DUSP19: variants seen among roughly 807,000 people sequenced by gnomAD.
DUSP19 encodes the protein dual specificity protein phosphatase 19.
A neutral mutation model predicts 16.6 loss-of-function variants in DUSP19; 14 were observed. That is an observed-to-expected ratio of 0.84 (90% confidence interval 0.56 to 1.32). The LOEUF is 1.32. Among genes scored for constraint, DUSP19 ranks in the 40% most tolerant of loss-of-function variants. The pLI is 0.00. For missense variants in DUSP19, 258 were observed against 255.9 expected, an observed-to-expected ratio of 1.01 and a Z score of -0.06; for synonymous variants, 81 against 90.5, an observed-to-expected ratio of 0.90 and a Z score of 0.59.
intron 3 of DUSP19, among the ~76,000 whole-genome samples, chr2:183,090,835 G>T (rs374165372): frequency 5.1e-4 from 77 of 152,288 alleles, no homozygotes; most frequent in African/African-American, 1.8e-3. Flanking sequence ...CCTCCCTATT[G>T]CACATGGACC....
chr2:183,095,685 C>A lies in DUSP19; in HGVS notation c.*27C>A. The stretch of plus-strand genomic sequence containing the variant: ...TTGCATTGTAGCAGACAATGGACAA[C>A]TGTAGTTTCTGAATTGACTTCTATA... On this transcript the variant is annotated 3_prime_UTR_variant, in exon 4 of 4. Coordinates refer to ENST00000354221, the MANE Select transcript of DUSP19 (RefSeq NM_080876.4). 1 of 1,553,470 alleles carries A rather than the reference C, an allele frequency of 6.4e-7. No homozygotes were observed. Among genetic ancestry groups the A allele is most frequent in the Non-Finnish European group, 8.8e-7 (1 of 1,134,018 alleles).
intron 1 of DUSP19, among the ~76,000 whole-genome samples, chr2:183,082,264 G>GA (rs921257470): frequency 6.6e-5 from 10 of 150,558 alleles, no homozygotes; most frequent in Non-Finnish European, 8.9e-5. Flanking sequence ...GCATAAAGAA[G>GA]AAAAAAAAAT....
chr2:183,082,229 T>A (rs1699600784), intron 1 of DUSP19, among the ~76,000 whole-genome samples: 1 of 152,080 alleles, frequency 6.6e-6, no homozygotes, highest in African/African-American at 2.4e-5. Context: ...AATAAAGAGA[T>A]GTTTATTGTA....
chr2:183,086,314 C>T (rs995316073), intron 2 of DUSP19, among the ~76,000 whole-genome samples: 7 of 152,108 alleles, frequency 4.6e-5, no homozygotes, highest in African/African-American at 1.4e-4. Flanking sequence ...CACTGATACA[C>T]TTCTCCTATT....
intron 1 of DUSP19, among the ~76,000 whole-genome samples, chr2:183,080,220 C>T (rs1559126424): frequency 6.6e-6 from 1 of 152,142 alleles, no homozygotes; most frequent in Admixed American, 6.5e-5. Context: ...TGGTGCAAGC[C>T]ATTTATCCTT....
Position 183,078,944 on chromosome 2 carries a change from T to G in DUSP19, c.11T>G (p.Leu4Arg). The G allele has an allele frequency of 6.2e-7, 1 of 1,614,040 alleles. No individual in the cohort carries two copies. The highest frequency in any genetic ancestry group is 8.5e-7 in the Non-Finnish European group (1 of 1,179,990). MYS[L>R]NQEIKAFSRN... is the part of the protein sequence containing the mutation. ...GCCACTGCTCATGTAATGTACTCCC[T>G]TAACCAGGAAATTAAAGCATTCTCC... Residue 4 changes from leucine (L) to arginine (R), a missense_variant, in exon 1 of 4, where the codon CTT becomes CGT. Coordinates refer to ENST00000354221, the MANE Select transcript of DUSP19 (RefSeq NM_080876.4).
At chr2:183,085,847 GTTTT>G (rs71008261) in intron 2 of DUSP19, among the ~76,000 whole-genome samples, 7,947 of 50,972 alleles carry the variant, frequency 0.16, 940 homozygotes, top group African/African-American at 0.29. Context: ...AGGTTGTTAG[GTTTT>G]TTTTTTTTTT....
chr2:183,094,860 T>A (rs1228839820), intron 3 of DUSP19, among the ~76,000 whole-genome samples: 1 of 152,248 alleles, frequency 6.6e-6, no homozygotes, highest in Non-Finnish European at 1.5e-5. Context: ...ATGAGAACAC[T>A]AAGTATACTC....
At chr2:183,083,874 C>CCTGT (rs1699625766) in intron 2 of DUSP19, among the ~76,000 whole-genome samples, 1 of 152,144 alleles carries the variant, frequency 6.6e-6, no homozygotes, top group South Asian at 2.1e-4. Flanking sequence ...TTGTCCAAGA[C>CCTGT]CTGTCCATAC....
Position 183,087,160 on chromosome 2 carries a change from T to C in DUSP19, c.394T>C (p.Cys132Arg), listed in dbSNP as rs1164649657. ...CAACATCCTGTCTTATTTTCCAGAA[T>C]GTTTTGAATTTATTGAAGAAGCAAA... is the stretch of plus-strand genomic sequence containing the variant. Reference protein sequence around the residue: ...ETNILSYFPECFEFIEEAKRK... With the variant: ...ETNILSYFPERFEFIEEAKRK... The change falls in exon 3 of 4, where the codon TGT becomes CGT. Residue 132 changes from cysteine to arginine, a missense_variant. Physicochemically the swap from Cys to Arg is radical, Grantham distance 180. Transcript: ENST00000354221. 8 of 1,613,020 alleles carry C rather than the reference T, an allele frequency of 5.0e-6. No individual in the cohort carries two copies. Among genetic ancestry groups the C allele is most frequent in the African/African-American group, 1.3e-5 (1 of 74,912 alleles).
chr2:183,087,312 T>C (rs1699675287), intron 3 of DUSP19, 120 bp downstream of exon 3: 3 of 1,030,576 alleles, frequency 2.9e-6, no homozygotes, highest in Non-Finnish European at 4.1e-6. Context: ...ATTTCCCTTC[T>C]AACAATATTT....
At chr2:183,085,822 G>A (rs1315980586) in intron 2 of DUSP19, among the ~76,000 whole-genome samples, 2 of 132,324 alleles carry the variant, frequency 1.5e-5, no homozygotes, top group African/African-American at 5.3e-5. Flanking sequence ...CAGAGGGGAA[G>A]TACAGATGTG....
At position 183,097,755 on chromosome 2, in the gene DUSP19, G is replaced by A. The variant is rs1006816276; in HGVS notation, c.*2097G>A. 2.0e-5 allele frequency: 3 copies of A among 152,112 alleles called. No individual in the cohort carries two copies. Among genetic ancestry groups the A allele is most frequent in the African/African-American group, 4.8e-5 (2 of 41,418 alleles). 9.4% of individuals were successfully genotyped at this position (152,112 alleles called of 1,614,324 possible). A position where few individuals can be genotyped will look rare whatever the true frequency, so the allele number is the denominator to read the frequency against. On this transcript the variant is annotated 3_prime_UTR_variant, in exon 4 of 4. Transcript: ENST00000354221. The stretch of plus-strand genomic sequence containing the variant: ...ATAAGCCTTCTCCTTTCATAAGAAA[G>A]GATGTATTTAAATACATTTTATTTT...
intron 1 of DUSP19, among the ~76,000 whole-genome samples, chr2:183,081,974 G>C (rs1456466176): frequency 6.6e-6 from 1 of 152,042 alleles, no homozygotes; most frequent in Admixed American, 6.6e-5. Context: ...ACTTTATTTT[G>C]ACTAGTTATT....
Position 183,095,527 on chromosome 2 carries a change from A to G in DUSP19, c.523A>G (p.Ser175Gly). The G allele has an allele frequency of 6.2e-7, 1 of 1,614,018 alleles. No homozygotes were observed. The highest frequency in any genetic ancestry group is 2.2e-5 in the East Asian group (1 of 44,868). ...LMNSEQTSFT[S>G]AFSLVKNARP... ...GAATTCTGAACAAACCTCATTTACC[A>G]GTGCTTTTTCTTTGGTGAAAAATGC... Residue 175 changes from serine to glycine, a missense_variant, in exon 4 of 4, where the codon AGT becomes GGT. Physicochemically the swap from Ser to Gly is moderately conservative, Grantham distance 56. Transcript: ENST00000354221.
intron 3 of DUSP19, among the ~76,000 whole-genome samples, chr2:183,093,936 T>C (rs928855799): frequency 6.6e-6 from 1 of 152,208 alleles, no homozygotes; most frequent in African/African-American, 2.4e-5. Flanking sequence ...GTTACTTTAA[T>C]ATAATTTTTA....
rs544184433 is a variant in DUSP19 at position 183,081,995 on chromosome 2, A to G, written c.227-1513A>G. ...TTTTGACTAGTTATTCTCCATATGAACTTGCTTATTAACTAGAGCCAGTTT... is the reference window on the plus strand; with the variant it reads ...TTTTGACTAGTTATTCTCCATATGAGCTTGCTTATTAACTAGAGCCAGTTT... On this transcript the variant is annotated intron_variant, in intron 1 of 3. Transcript: ENST00000354221. Among the ~76,000 whole-genome samples the G allele has an allele frequency of 4.0e-4, 61 of 152,350 alleles. 1 individual carries two copies. The highest frequency in any genetic ancestry group is 1.4e-3 in the African/African-American group (60 of 41,580).
chr2:183,083,078 ATT>A (rs150305813), intron 1 of DUSP19, among the ~76,000 whole-genome samples: 3 of 151,486 alleles, frequency 2.0e-5, no homozygotes, highest in Admixed American at 6.6e-5. Flanking sequence ...ATTAAAAAAA[ATT>A]TTTTTTCTAT....
chr2:183,088,578 A>C (rs1699693961), intron 3 of DUSP19, among the ~76,000 whole-genome samples: 1 of 150,622 alleles, frequency 6.6e-6, no homozygotes, highest in South Asian at 2.1e-4. Context: ...GCACACTGCC[A>C]CACCCGGGTA....
Sources: gnomAD v4.1 joint callset for allele counts (sites outside exome capture counted in the v4.1 genomes callset) on GRCh38, gnomAD v4.1.1 for gene constraint, MANE v1.5 for transcripts, NCBI Gene and HGNC (gene_info 2026-07-23, HGNC 2026-07-21) for gene names.